The following DNAI7 variants were observed in gnomAD, a reference collection of about 807,000 sequenced individuals.
DNAI7 encodes cancer susceptibility 1.
In DNAI7, 78 loss-of-function variants were observed where a neutral mutation model predicts 86.6. That is an observed-to-expected ratio of 0.90 (90% confidence interval 0.75 to 1.09). The LOEUF is 1.09. Among genes scored for constraint, DNAI7 ranks in the 50% least tolerant of loss-of-function variants. The pLI is 0.00. For synonymous variants in DNAI7, 274 were observed against 273.0 expected (o/e 1.00, Z -0.04); for missense variants, 753 against 810.2 (o/e 0.93, Z 0.86).
chr12:25,123,398 A>G lies in DNAI7; in HGVS notation c.1003-112T>C, dbSNP rs183452290. 245 of 570,466 alleles carry G rather than the reference A, an allele frequency of 4.3e-4. 3 individuals carry two copies. In the East Asian group the frequency reaches 5.0e-3, roughly 12 times the overall value. 35.3% of individuals were successfully genotyped at this position (570,466 alleles called of 1,614,324 possible). On this transcript the variant is annotated intron_variant, in intron 9 of 15. Coordinates refer to ENST00000395987, the MANE Select transcript of DNAI7 (RefSeq NM_018272.5). ...TGCCTGCTACCTTAATTCTAGGCTG[A>G]AAACCCCAAACTGATACTTGCTCTA...
intron 2 of DNAI7, among the ~76,000 whole-genome samples, chr12:25,162,734 G>A (rs12814442): frequency 0.38 from 58,058 of 151,840 alleles, 12,990 homozygotes; most frequent in East Asian, 0.77. Context: ...ACAGTTCATC[G>A]CCCTTATCAC....
chr12:25,180,580 T>A (rs1949404370), intron 2 of DNAI7, among the ~76,000 whole-genome samples: 2 of 151,976 alleles, frequency 1.3e-5, no homozygotes, highest in Non-Finnish European at 1.5e-5. Context: ...GGTATTGGTA[T>A]AAAAATAGAT....
chr12:25,177,183 G>C (rs1254052833), intron 2 of DNAI7, among the ~76,000 whole-genome samples: 4 of 152,102 alleles, frequency 2.6e-5, no homozygotes, highest in Non-Finnish European at 5.9e-5. Context: ...GATTACAGGT[G>C]TGACCCACCT....
intron 9 of DNAI7, among the ~76,000 whole-genome samples, chr12:25,138,506 T>C (rs1169566953): frequency 6.6e-6 from 1 of 152,072 alleles, no homozygotes; most frequent in Non-Finnish European, 1.5e-5. Context: ...TATTCAGTAT[T>C]CTCTCAGACC....
At chr12:25,117,938 CT>C (rs776942936) in intron 12 of DNAI7, among the ~76,000 whole-genome samples, 30 of 135,024 alleles carry the variant, frequency 2.2e-4, no homozygotes, top group African/African-American at 6.2e-4. Flanking sequence ...TTTTCTTTTT[CT>C]TTTTTTTTTT....
chr12:25,188,851 T>C (rs1227729481), intron 2 of DNAI7, among the ~76,000 whole-genome samples: 1 of 152,210 alleles, frequency 6.6e-6, no homozygotes, highest in African/African-American at 2.4e-5. Context: ...TTTAAAATGA[T>C]GCCTCTAAGA....
chr12:25,193,299 G>T (rs1186258784), intron 1 of DNAI7, among the ~76,000 whole-genome samples: 2 of 152,144 alleles, frequency 1.3e-5, no homozygotes, highest in Non-Finnish European at 2.9e-5. Context: ...AATCCAATAT[G>T]ATTTGTGTCC....
rs568788738 is a variant in DNAI7 at position 25,170,788 on chromosome 12, C to T, written c.22-9591G>A. Among the ~76,000 whole-genome samples the T allele has an allele frequency of 6.6e-5, 10 of 152,238 alleles. No homozygotes were observed. The East Asian group carries it at 1.5e-3, about 23-fold the overall frequency. ...AAATTTTATCCAGCACTCTCTCACACCAAAGTGGAATAAAACTGGAAATCA... is the reference window on the plus strand; with the variant it reads ...AAATTTTATCCAGCACTCTCTCACATCAAAGTGGAATAAAACTGGAAATCA... On this transcript the variant is annotated intron_variant, in intron 2 of 15. Transcript: ENST00000395987.
chr12:25,130,989 T>C (rs1942838593), intron 9 of DNAI7, among the ~76,000 whole-genome samples: 1 of 152,170 alleles, frequency 6.6e-6, no homozygotes. Context: ...TACTTGTTAT[T>C]TGTGATTACC....
chr12:25,190,272 A>G (rs1297714883), intron 2 of DNAI7, among the ~76,000 whole-genome samples: 1 of 152,168 alleles, frequency 6.6e-6, no homozygotes, highest in Non-Finnish European at 1.5e-5. Flanking sequence ...ACATTTTATA[A>G]TTAAAATTTT....
Position 25,121,355 on chromosome 12 carries a change from G to C in DNAI7, c.1239+398C>G, listed in dbSNP as rs545197646. Among the ~76,000 whole-genome samples the C allele has an allele frequency of 3.3e-5, 5 of 152,320 alleles. No homozygotes were observed. In the South Asian group the frequency reaches 1.0e-3, roughly 32 times the overall value. The stretch of plus-strand genomic sequence containing the variant: ...TGTGCCCATTCGTTTATACACAGCA[G>C]TTTTAGTGCTGCAATGGCTGAGTTG... On this transcript the variant is annotated intron_variant, in intron 11 of 15. Transcript: ENST00000395987.
chr12:25,186,781 GTT>G (rs895417098), intron 2 of DNAI7, among the ~76,000 whole-genome samples: 1 of 147,892 alleles, frequency 6.8e-6, no homozygotes, highest in African/African-American at 2.5e-5. Context: ...AAAAGGCAGG[GTT>G]TTTTTTTTAA....
At chr12:25,125,147 G>T (rs1047014751) in intron 9 of DNAI7, among the ~76,000 whole-genome samples, 16 of 152,184 alleles carry the variant, frequency 1.1e-4, no homozygotes, top group African/African-American at 3.9e-4. Flanking sequence ...TAATGGGATT[G>T]CTGGGTGAAA....
intron 2 of DNAI7, among the ~76,000 whole-genome samples, chr12:25,165,750 T>A (rs1333328088): frequency 6.6e-6 from 1 of 152,194 alleles, no homozygotes; most frequent in Non-Finnish European, 1.5e-5. Flanking sequence ...ATTACCTTCT[T>A]TTCAAGGGCC....
chr12:25,145,644 CCTTTTA>C (rs1157083917), intron 8 of DNAI7, among the ~76,000 whole-genome samples: 3 of 151,698 alleles, frequency 2.0e-5, no homozygotes, highest in Non-Finnish European at 4.4e-5. Context: ...TTTTTTCTTC[CCTTTTA>C]CTAACTATCA....
chr12:25,165,970 A>T (rs1275205466), intron 2 of DNAI7, among the ~76,000 whole-genome samples: 1 of 151,886 alleles, frequency 6.6e-6, no homozygotes, highest in Non-Finnish European at 1.5e-5. Context: ...CCACACCTCA[A>T]TGCCGCCTTT....
At chr12:25,187,555 A>G (rs1461708894) in intron 2 of DNAI7, among the ~76,000 whole-genome samples, 23 of 152,174 alleles carry the variant, frequency 1.5e-4, no homozygotes, top group Admixed American at 1.5e-3. Flanking sequence ...ACACTGCTAA[A>G]TCAATGAAAT....
intron 4 of DNAI7, among the ~76,000 whole-genome samples, chr12:25,157,140 C>T (rs1946268984): frequency 6.6e-6 from 1 of 151,870 alleles, no homozygotes; most frequent in Non-Finnish European, 1.5e-5. Flanking sequence ...TAGCCAGGCG[C>T]AGTGGCGGGT....
chr12:25,132,718 A>T (rs1315702377), intron 9 of DNAI7, among the ~76,000 whole-genome samples: 2 of 150,506 alleles, frequency 1.3e-5, no homozygotes, highest in Non-Finnish European at 2.9e-5. Context: ...CTGCCTGCTC[A>T]ATCTGATAGG....
Sources: allele counts gnomAD v4.1 joint callset (sites outside exome capture counted in the v4.1 genomes callset), GRCh38; gene constraint gnomAD v4.1.1; transcripts MANE v1.5; gene names NCBI Gene and HGNC (gene_info 2026-07-23, HGNC 2026-07-21).